The following WWOX variants were observed in gnomAD, a reference collection of about 807,000 sequenced individuals.
WWOX encodes WW domain-containing oxidoreductase.
Under a neutral mutation model 46.2 loss-of-function variants are expected in WWOX, and 69 were observed. That is an observed-to-expected ratio of 1.49 (90% CI 1.23 to 1.82). WWOX has a LOEUF of 1.82. Among genes scored for constraint, WWOX ranks in the 40% most tolerant of loss-of-function variants. The pLI, the probability that WWOX is intolerant of heterozygous loss-of-function variation, is 0.00. For synonymous variants in WWOX, 359 were observed against 202.6 expected (o/e 1.77, Z -6.56); for missense variants, 919 against 542.6 (o/e 1.69, Z -6.89).
At chr16:78,626,294 CT>C (rs2046310091) in intron 8 of WWOX, among the ~76,000 whole-genome samples, 1 of 152,046 alleles carries the variant, frequency 6.6e-6, no homozygotes, top group African/African-American at 2.4e-5. Context: ...CCACGCTCAG[CT>C]AATTTTTGCA....
chr16:79,086,963 G>A (rs1315372679), intron 8 of WWOX, among the ~76,000 whole-genome samples: 2 of 152,176 alleles, frequency 1.3e-5, no homozygotes, highest in Non-Finnish European at 2.9e-5. Flanking sequence ...AGAGCACTAG[G>A]AAGCCCCGTG....
At chr16:79,094,356 T>A (rs1597370144) in intron 8 of WWOX, among the ~76,000 whole-genome samples, 1 of 151,816 alleles carries the variant, frequency 6.6e-6, no homozygotes, top group Non-Finnish European at 1.5e-5. Context: ...TTCAAGCAAT[T>A]CCCCTGCCTT....
rs74038917 is a variant in WWOX, at chr16:79,164,716, C to T, written c.1057-46892C>T. Among the ~76,000 whole-genome samples, 1,126 of 152,142 alleles carry T rather than the reference C, an allele frequency of 7.4e-3. 7 individuals are homozygous for T. The highest frequency in any genetic ancestry group is 0.012 in the South Asian group (56 of 4,820). Reference sequence around the variant, plus strand: ...GCATAATTAAATACTGGAGTGTCAGCGATAATTTATTCCACTCGCATGTGG... The same window carrying T: ...GCATAATTAAATACTGGAGTGTCAGTGATAATTTATTCCACTCGCATGTGG... On this transcript the variant is annotated intron_variant, in intron 8 of 8. Coordinates refer to ENST00000566780, the MANE Select transcript of WWOX (RefSeq NM_016373.4).
chr16:78,825,943 C>T (rs1382627295), intron 8 of WWOX: 1 of 809,840 alleles, frequency 1.2e-6, no homozygotes, highest in East Asian at 2.6e-5. Context: ...CCACTCCCAT[C>T]TCAGAACAGA....
At chr16:79,210,816 C>T (rs1259301766) in intron 8 of WWOX, among the ~76,000 whole-genome samples, 1 of 152,140 alleles carries the variant, frequency 6.6e-6, no homozygotes, top group Non-Finnish European at 1.5e-5. Context: ...GCACACGTCC[C>T]TAGCCACAGC....
At chr16:78,384,235 C>G (rs1352978001) in intron 5 of WWOX, among the ~76,000 whole-genome samples, 3 of 152,218 alleles carry the variant, frequency 2.0e-5, no homozygotes, top group South Asian at 2.1e-4. Flanking sequence ...GCTGCCTTTC[C>G]TCTTGTGATA....
intron 8 of WWOX, among the ~76,000 whole-genome samples, chr16:79,150,931 A>G (rs1003794433): frequency 2.6e-5 from 4 of 152,212 alleles, no homozygotes; most frequent in Non-Finnish European, 4.4e-5. Context: ...TCACTGGTGT[A>G]GAAGACTTTT....
In WWOX at chr16:78,885,062, C is replaced by T. The variant is rs1005683996; in HGVS notation, c.1057-326546C>T. The stretch of plus-strand genomic sequence containing the variant: ...TTTCGTTCTTAACCAACATGGCACC[C>T]CAGGTTCAGTGGTGAGAGTGTCACT... On this transcript the variant is annotated intron_variant, in intron 8 of 8. Transcript: ENST00000566780. 2.0e-5 allele frequency among the ~76,000 whole-genome samples: 3 copies of T among 152,234 alleles called. No homozygotes were observed. In the East Asian group the frequency reaches 5.8e-4, roughly 29 times the overall value.
Position 79,139,309 on chromosome 16 carries a change from C to G in WWOX, c.1057-72299C>G, listed in dbSNP as rs542138807. ...GGAGAGATTTACAGTCAAATTCCAG[C>G]TACAGAAGCAAAGTGTTGGTGCCCC... is the stretch of plus-strand genomic sequence containing the variant. On this transcript the variant is annotated intron_variant, in intron 8 of 8. Coordinates refer to ENST00000566780, the MANE Select transcript of WWOX (RefSeq NM_016373.4). Among the ~76,000 whole-genome samples, 18 of 152,304 alleles carry G rather than the reference C, an allele frequency of 1.2e-4. No homozygotes were observed. The South Asian group carries it at 2.1e-3, about 18-fold the overall frequency.
intron 4 of WWOX, among the ~76,000 whole-genome samples, chr16:78,144,468 C>CATATAT (rs1215805172): frequency 4.1e-4 from 6 of 14,480 alleles, no homozygotes; most frequent in East Asian, 2.9e-3. Flanking sequence ...TATATACACA[C>CATATAT]ATATATATAT....
intron 8 of WWOX, among the ~76,000 whole-genome samples, chr16:79,152,499 G>T (rs530008286): frequency 6.6e-6 from 1 of 152,024 alleles, no homozygotes; most frequent in Non-Finnish European, 1.5e-5. Context: ...GTGAAACCCT[G>T]TCTCTACTAA....
chr16:79,174,365 C>T (rs570065205), intron 8 of WWOX, among the ~76,000 whole-genome samples: 1 of 152,284 alleles, frequency 6.6e-6, no homozygotes. Flanking sequence ...TAAGAAGGGA[C>T]TAGCCGGGTG....
intron 8 of WWOX, among the ~76,000 whole-genome samples, chr16:78,785,671 C>T (rs953793137): frequency 2.6e-5 from 4 of 152,244 alleles, no homozygotes; most frequent in East Asian, 3.9e-4. Flanking sequence ...ACCATTGTTG[C>T]AGTATAAAAT....
intron 8 of WWOX, among the ~76,000 whole-genome samples, chr16:78,894,020 TTTATTATTA>T (rs6145911): frequency 7.1e-6 from 1 of 140,080 alleles, no homozygotes; most frequent in Non-Finnish European, 1.5e-5. Flanking sequence ...TATTGAGGCT[TTTATTATTA>T]TTATTATTAT....
intron 4 of WWOX, among the ~76,000 whole-genome samples, chr16:78,160,123 G>T (rs376232957): frequency 4.6e-5 from 7 of 151,162 alleles, no homozygotes; most frequent in African/African-American, 1.7e-4. Flanking sequence ...AATTTGCTGG[G>T]TTATTTTCCT....
intron 8 of WWOX, among the ~76,000 whole-genome samples, chr16:78,436,506 C>T (rs571764718): frequency 6.6e-6 from 1 of 152,192 alleles, no homozygotes; most frequent in African/African-American, 2.4e-5. Flanking sequence ...AAGAGTCTTA[C>T]TAAAATCCTC....
chr16:78,907,027 C>A (rs986408554), intron 8 of WWOX, among the ~76,000 whole-genome samples: 2 of 152,068 alleles, frequency 1.3e-5, no homozygotes, highest in African/African-American at 4.8e-5. Flanking sequence ...AGGGGAATTG[C>A]AATAGGGAAA....
chr16:78,532,215 A>G (rs543239093), intron 8 of WWOX, among the ~76,000 whole-genome samples: 10 of 152,282 alleles, frequency 6.6e-5, no homozygotes, highest in Non-Finnish European at 4.4e-5. Context: ...ACATTTTAAT[A>G]TTGGTATCAC....
At chr16:78,625,513 G>C (rs1335927820) in intron 8 of WWOX, among the ~76,000 whole-genome samples, 1 of 152,056 alleles carries the variant, frequency 6.6e-6, no homozygotes, top group Non-Finnish European at 1.5e-5. Flanking sequence ...GAAAAATCAA[G>C]ACTGTAGTAC....
Sources: allele counts gnomAD v4.1 joint callset (sites outside exome capture counted in the v4.1 genomes callset), GRCh38; gene constraint gnomAD v4.1.1; transcripts MANE v1.5; gene names NCBI Gene and HGNC (gene_info 2026-07-23, HGNC 2026-07-21).